CLTA: variants seen among roughly 807,000 people sequenced by gnomAD.
CLTA encodes clathrin, light polypeptide (Lca).
CLTA carries 9 observed loss-of-function variants against 26.9 expected under a neutral mutation model. The observed-to-expected ratio is 0.33, with a 90% CI of 0.20 to 0.58. CLTA has a LOEUF of 0.58. CLTA is among the 20% of genes least tolerant of loss of function. The pLI is 0.85. For synonymous variants in CLTA, 120 were observed against 115.5 expected, an observed-to-expected ratio of 1.04 and a Z score of -0.25; for missense variants, 278 against 294.2, an observed-to-expected ratio of 0.94 and a Z score of 0.40.
At chr9:36,197,239 T>C (rs1470342036) in intron 1 of CLTA, among the ~76,000 whole-genome samples, 3 of 152,132 alleles carry the variant, frequency 2.0e-5, no homozygotes, top group Non-Finnish European at 4.4e-5. Flanking sequence ...TTTTCCCTCA[T>C]GCAGAATTTT....
Position 36,196,944 on chromosome 9 carries a change from C to T in CLTA, c.218-607C>T, listed in dbSNP as rs1370313290. 2.6e-5 allele frequency among the ~76,000 whole-genome samples: 4 copies of T among 152,094 alleles called. No individual in the cohort carries two copies. In the East Asian group the frequency reaches 5.8e-4, roughly 22 times the overall value. On this transcript the variant is annotated intron_variant, in intron 1 of 4. Coordinates refer to ENST00000345519, the MANE Select transcript of CLTA (RefSeq NM_001833.4). Reference sequence around the variant, plus strand: ...AATCCAATACTTTGGGAGACCGAGGCGGGTGGATCGCTTGAGTCCAGGAAA... The same window carrying T: ...AATCCAATACTTTGGGAGACCGAGGTGGGTGGATCGCTTGAGTCCAGGAAA...
chr9:36,202,637 A>G (rs539426145), intron 3 of CLTA, among the ~76,000 whole-genome samples: 24 of 152,300 alleles, frequency 1.6e-4, no homozygotes, highest in Admixed American at 1.4e-3. Flanking sequence ...AATTCACTCA[A>G]ACTTTCTGAG....
chr9:36,200,824 A>G (rs761159249), intron 3 of CLTA, among the ~76,000 whole-genome samples: 2 of 152,240 alleles, frequency 1.3e-5, no homozygotes, highest in African/African-American at 2.4e-5. Context: ...ATAAATTTAC[A>G]TTGAAGTAGC....
chr9:36,194,855 C>A (rs116221056), intron 1 of CLTA, among the ~76,000 whole-genome samples: 136 of 152,328 alleles, frequency 8.9e-4, no homozygotes, highest in African/African-American at 3.0e-3. Flanking sequence ...CCAGTTGATT[C>A]TTGTAAGAAT....
At position 36,203,969 on chromosome 9, in the gene CLTA, C is replaced by T. The variant is rs1380552475; in HGVS notation, c.374-99C>T. On this transcript the variant is annotated intron_variant, in intron 3 of 4. Coordinates refer to ENST00000345519, the MANE Select transcript of CLTA (RefSeq NM_001833.4). ...CCCCAACAGGCACACAGACATGGAC[C>T]TGCACCCACCACAAGTTCAGCAAGA... 2.0e-6 allele frequency: 3 copies of T among 1,529,308 alleles called. No homozygotes were observed. In the African/African-American group the frequency reaches 4.1e-5, roughly 21 times the overall value. The allele number at this position is 1,529,308 out of a possible 1,614,324, so 94.7% of individuals were successfully genotyped here.
In CLTA at chr9:36,199,010, C is replaced by G. The variant is rs1267092781; in HGVS notation, c.287C>G (p.Ala96Gly). The change falls in exon 3 of 5, where the codon GCT (alanine) becomes GGT (glycine). Residue 96 changes from alanine to glycine, a missense_variant. By Grantham distance (60) the Ala-to-Gly change is moderately conservative (BLOSUM62 0). Coordinates refer to ENST00000345519, the MANE Select transcript of CLTA (RefSeq NM_001833.4). ...ESNGPTDSYA[A>G]ISQVDRLQSE... ...AATGGTCCAACAGACAGTTATGCAG[C>G]TATTTCACAAGTGGATCGATTGCAG... is the stretch of plus-strand genomic sequence containing the variant. 1.2e-6 allele frequency: 2 copies of G among 1,613,602 alleles called. No individual in the cohort carries two copies. Among genetic ancestry groups the G allele is most frequent in the East Asian group, 4.5e-5 (2 of 44,876 alleles).
At chr9:36,192,898 G>C (rs1253452735) in intron 1 of CLTA, among the ~76,000 whole-genome samples, 1 of 152,160 alleles carries the variant, frequency 6.6e-6, no homozygotes, top group Non-Finnish European at 1.5e-5. Context: ...ATCTGTAGTT[G>C]GAAGATTGTC....
At chr9:36,203,958 C>G (rs1827572571) in intron 3 of CLTA, 110 bp from the exon 4 acceptor site, 2 of 1,445,842 alleles carry the variant, frequency 1.4e-6, no homozygotes, top group African/African-American at 1.4e-5. Context: ...AACAGGCACA[C>G]AGACATGGAC....
chr9:36,191,139 A>G lies in CLTA; in HGVS notation c.83A>G (p.Glu28Gly), dbSNP rs765709490. The change falls in exon 1 of 5, where the codon GAA becomes GGA. Residue 28 changes from glutamate (E) to glycine (G), a missense_variant. Coordinates refer to ENST00000345519, the MANE Select transcript of CLTA (RefSeq NM_001833.4). The stretch of plus-strand genomic sequence containing the variant: ...GGGAACGGAGTGGCCGGCGCCGGCG[A>G]AGAAGACCCGGCTGCGGCCTTCTTG... Reference protein sequence around the residue: ...ALGNGVAGAGEEDPAAAFLAQ... With the variant: ...ALGNGVAGAGGEDPAAAFLAQ... 4 of 1,600,568 alleles carry G rather than the reference A, an allele frequency of 2.5e-6. No homozygotes were observed. The highest frequency in any genetic ancestry group is 1.1e-5 in the South Asian group (1 of 90,228).
intron 1 of CLTA, among the ~76,000 whole-genome samples, chr9:36,192,712 G>A (rs530015242): frequency 6.6e-6 from 1 of 152,260 alleles, no homozygotes; most frequent in South Asian, 2.1e-4. Context: ...ATCCTAGAGA[G>A]AAACGACTTG....
At chr9:36,210,872 G>A (rs750125382) in intron 4 of CLTA, among the ~76,000 whole-genome samples, 4 of 152,104 alleles carry the variant, frequency 2.6e-5, no homozygotes, top group East Asian at 3.9e-4. Context: ...TGTCCTTTCC[G>A]GCTGTAGCTC....
At chr9:36,210,897 C>T (rs897926397) in intron 4 of CLTA, among the ~76,000 whole-genome samples, 2 of 152,182 alleles carry the variant, frequency 1.3e-5, no homozygotes, top group Non-Finnish European at 2.9e-5. Context: ...CAGTTAATTC[C>T]GAACTGGGGG....
chr9:36,193,955 A>G (rs1826884607), intron 1 of CLTA, among the ~76,000 whole-genome samples: 1 of 152,208 alleles, frequency 6.6e-6, no homozygotes, highest in Non-Finnish European at 1.5e-5. Context: ...AAAAGCTCTC[A>G]ATCATGAGGG....
intron 4 of CLTA, among the ~76,000 whole-genome samples, chr9:36,206,944 G>T (rs980334121): frequency 6.6e-6 from 1 of 152,170 alleles, no homozygotes; most frequent in Non-Finnish European, 1.5e-5. Flanking sequence ...AAGCAAGTAT[G>T]ATTCTCTCTG....
intron 2 of CLTA, 46 bp downstream of exon 2, chr9:36,197,634 T>C: frequency 2.1e-6 from 3 of 1,432,548 alleles, no homozygotes; most frequent in South Asian, 1.2e-5. Context: ...TTGAGAATCT[T>C]CCTTTCCTGT....
intron 4 of CLTA, among the ~76,000 whole-genome samples, chr9:36,209,639 T>TGGCTGCCATCAC: frequency 6.6e-6 from 1 of 152,282 alleles, no homozygotes. Flanking sequence ...CTCTTGCTCT[T>TGGCTGCCATCAC]GGCTGCCATC....
At chr9:36,200,367 TTTAAGA>T (rs1827335500) in intron 3 of CLTA, among the ~76,000 whole-genome samples, 1 of 152,212 alleles carries the variant, frequency 6.6e-6, no homozygotes, top group Non-Finnish European at 1.5e-5. Flanking sequence ...GCTGACCTAC[TTTAAGA>T]TAAAGACATC....
Position 36,194,036 on chromosome 9 carries a change from TTTG to T in CLTA, c.217+2769_217+2771del, listed in dbSNP as rs1587200516. Among the ~76,000 whole-genome samples the T allele has an allele frequency of 4.0e-5, 6 of 151,804 alleles. No homozygotes were observed. In the South Asian group the frequency reaches 1.3e-3, roughly 32 times the overall value. ...CAGCAGTAAGGCACTATTATGGTGT[TTTG>T]TTGTTTTTGAGACAGTCGCTCTGTC... On this transcript the variant is annotated intron_variant, in intron 1 of 4. Coordinates refer to ENST00000345519, the MANE Select transcript of CLTA (RefSeq NM_001833.4).
intron 3 of CLTA, among the ~76,000 whole-genome samples, chr9:36,202,393 C>T (rs576122280): frequency 5.9e-5 from 9 of 151,784 alleles, no homozygotes; most frequent in African/African-American, 1.2e-4. Context: ...TACTTGACAC[C>T]GCTACTGCTA....
Sources: gnomAD v4.1 joint callset for allele counts (sites outside exome capture counted in the v4.1 genomes callset) on GRCh38, gnomAD v4.1.1 for gene constraint, MANE v1.5 for transcripts, NCBI Gene and HGNC (gene_info 2026-07-23, HGNC 2026-07-21) for gene names.